Variants in CCDC171 observed in about 807,000 individuals in gnomAD.
CCDC171 encodes coiled-coil domain containing 171.
In CCDC171, 177 loss-of-function variants were observed where a neutral mutation model predicts 168.2. The ratio of observed to expected loss-of-function variants is 1.05; its 90% CI spans 0.93 to 1.19. The LOEUF is 1.19. CCDC171 is among the 50% of genes most tolerant of loss of function. The pLI, the probability that CCDC171 is intolerant of heterozygous loss-of-function variation, is 0.00. For missense variants in CCDC171, 1,991 were observed against 1,539.0 expected, an observed-to-expected ratio of 1.29 and a Z score of -4.91; for synonymous variants, 687 against 540.8, an observed-to-expected ratio of 1.27 and a Z score of -3.75.
chr9:15,570,928 A>G (rs760887213), intron 2 of CCDC171, among the ~76,000 whole-genome samples: 3 of 152,310 alleles, frequency 2.0e-5, no homozygotes, highest in Admixed American at 6.5e-5. Context: ...AGACTGGGAA[A>G]GAGATAGGTA....
At position 15,791,936 on chromosome 9, in the gene CCDC171, C is replaced by T. The variant is rs374602193; in HGVS notation, c.3267+7242C>T. Among the ~76,000 whole-genome samples the T allele has an allele frequency of 5.3e-5, 8 of 152,156 alleles. No homozygotes were observed. The South Asian group carries it at 8.3e-4, about 16-fold the overall frequency. ...GAGCACCTCTCCCCCTCCAGAGGAACGCAGCTCCTCACCAGCAATGGAACA... is the reference window on the plus strand; with the variant it reads ...GAGCACCTCTCCCCCTCCAGAGGAATGCAGCTCCTCACCAGCAATGGAACA... On this transcript the variant is annotated intron_variant, in intron 21 of 25. Transcript: ENST00000380701.
At chr9:15,745,814 T>C (rs993553827) in intron 18 of CCDC171, among the ~76,000 whole-genome samples, 183 bp downstream of exon 18, 12 of 152,164 alleles carry the variant, frequency 7.9e-5, no homozygotes, top group African/African-American at 2.2e-4. Context: ...ATAAATTTTG[T>C]CTCTATTTAT....
intron 21 of CCDC171, among the ~76,000 whole-genome samples, chr9:15,838,111 TTAA>T (rs1261187020): frequency 3.3e-5 from 5 of 152,138 alleles, no homozygotes; most frequent in African/African-American, 1.2e-4. Flanking sequence ...CTTGTAGGAT[TTAA>T]TAATTAATGG....
intron 24 of CCDC171, among the ~76,000 whole-genome samples, chr9:15,902,772 C>G (rs939788142): frequency 6.6e-6 from 1 of 152,206 alleles, no homozygotes; most frequent in African/African-American, 2.4e-5. Context: ...TCAGGGAATT[C>G]CCTTTCCTAG....
chr9:15,870,684 TA>T (rs1198481186), intron 23 of CCDC171, among the ~76,000 whole-genome samples: 1 of 151,650 alleles, frequency 6.6e-6, no homozygotes, highest in Non-Finnish European at 1.5e-5. Context: ...AATTGGAACA[TA>T]GAGTCCAGAG....
At chr9:15,618,431 C>T (rs1468565651) in intron 6 of CCDC171, among the ~76,000 whole-genome samples, 2 of 152,188 alleles carry the variant, frequency 1.3e-5, no homozygotes, top group African/African-American at 2.4e-5. Flanking sequence ...GAATTTCAAG[C>T]CAGTGGTTCT....
intron 18 of CCDC171, among the ~76,000 whole-genome samples, chr9:15,752,594 G>C (rs1321129284): frequency 6.6e-6 from 1 of 152,168 alleles, no homozygotes; most frequent in Non-Finnish European, 1.5e-5. Flanking sequence ...CCTTTGCAGG[G>C]TCATGGATGA....
At position 15,636,913 on chromosome 9, in the gene CCDC171, G is replaced by T. The variant is rs2046243068; in HGVS notation, c.822+13500G>T. Among the ~76,000 whole-genome samples the T allele has an allele frequency of 2.0e-5, 3 of 151,914 alleles. 1 individual carries two copies. The South Asian group carries it at 6.2e-4, about 32-fold the overall frequency. ...TTGTGAGGCTGTACTATGTAATAAC[G>T]AATTTTTTTTTGTTTTTAGGGTTCT... On this transcript the variant is annotated intron_variant, in intron 7 of 25. Transcript: ENST00000380701.
At chr9:15,989,358 C>G (rs2132900655) in intron 3 of CCDC171, among the ~76,000 whole-genome samples, 1 of 152,306 alleles carries the variant, frequency 6.6e-6, no homozygotes, top group East Asian at 1.9e-4. Flanking sequence ...AGACCTGCAG[C>G]TGAGGGTCCT....
chr9:15,964,321 G>T (rs1364346313), intron 25 of CCDC171, among the ~76,000 whole-genome samples: 1 of 152,066 alleles, frequency 6.6e-6, no homozygotes, highest in Admixed American at 6.5e-5. Flanking sequence ...ATTTTTACCA[G>T]TTTGTCATTT....
At chr9:15,805,598 T>A (rs764982510) in intron 21 of CCDC171, among the ~76,000 whole-genome samples, 3 of 152,170 alleles carry the variant, frequency 2.0e-5, no homozygotes, top group Non-Finnish European at 4.4e-5. Context: ...ATAACACTAG[T>A]CTGAGAGACT....
chr9:15,594,775 T>G (rs1011934089), intron 6 of CCDC171, among the ~76,000 whole-genome samples: 3 of 152,098 alleles, frequency 2.0e-5, no homozygotes, highest in Non-Finnish European at 4.4e-5. Flanking sequence ...GTACTTTGCA[T>G]TTTTTCAGGA....
intron 25 of CCDC171, among the ~76,000 whole-genome samples, chr9:15,938,503 T>G (rs1429577816): frequency 1.3e-5 from 2 of 151,912 alleles, no homozygotes; most frequent in Admixed American, 6.6e-5. Flanking sequence ...GGGTCTATGG[T>G]TAAGGCCTTT....
At chr9:15,609,357 C>T (rs574151083) in intron 6 of CCDC171, among the ~76,000 whole-genome samples, 2 of 152,270 alleles carry the variant, frequency 1.3e-5, no homozygotes, top group South Asian at 2.1e-4. Context: ...GATCCACCCG[C>T]CTTGGCCTCC....
the CCDC171 span, among the ~76,000 whole-genome samples, chr9:16,078,948 G>A: frequency 5.2e-4 from 79 of 152,266 alleles, no homozygotes; most frequent in African/African-American, 1.8e-3. Flanking sequence ...GACTAAGCTC[G>A]GCCTTGAAGG....
At chr9:15,861,524 A>T (rs886458917) in intron 23 of CCDC171, among the ~76,000 whole-genome samples, 1 of 151,438 alleles carries the variant, frequency 6.6e-6, no homozygotes, top group African/African-American at 2.4e-5. Context: ...CTTTTGTGTA[A>T]CTTATATGGG....
chr9:15,649,679 C>G (rs1049008380), intron 7 of CCDC171, among the ~76,000 whole-genome samples: 2 of 152,086 alleles, frequency 1.3e-5, no homozygotes, highest in Non-Finnish European at 2.9e-5. Context: ...CAGAGAAATG[C>G]AAATCAAAAC....
Position 15,678,864 on chromosome 9 carries a change from A to C in CCDC171, c.1183A>C (p.Ser395Arg). 1 of 1,592,608 alleles carries C rather than the reference A, an allele frequency of 6.3e-7. No homozygotes were observed. The change falls in exon 10 of 26, where the codon AGT (serine) becomes CGT (arginine). Residue 395 changes from serine to arginine, a missense_variant. Transcript: ENST00000380701. ...AAAGAGACTCCAGTATAATGAAAAA[A>C]GTTGCAGTGAATTACAGGAAGAACT... is the stretch of plus-strand genomic sequence containing the variant. ...LSKRLQYNEK[S>R]CSELQEELVM... is the part of the protein sequence containing the mutation.
At chr9:15,596,142 A>C (rs1161872255) in intron 6 of CCDC171, among the ~76,000 whole-genome samples, 2 of 152,208 alleles carry the variant, frequency 1.3e-5, no homozygotes, top group Non-Finnish European at 2.9e-5. Flanking sequence ...GGAGCTCTTT[A>C]GTTTAATTAG....
Sources: allele counts gnomAD v4.1 joint callset (sites outside exome capture counted in the v4.1 genomes callset), GRCh38; gene constraint gnomAD v4.1.1; transcripts MANE v1.5; gene names NCBI Gene and HGNC (gene_info 2026-07-23, HGNC 2026-07-21).